HAGH: variants seen among roughly 807,000 people sequenced by gnomAD.
The protein encoded by HAGH is hydroxyacylglutathione hydrolase, mitochondrial.
In HAGH, 29 loss-of-function variants were observed where a neutral mutation model predicts 35.1. The ratio of observed to expected loss-of-function variants is 0.83; its 90% CI spans 0.62 to 1.13. The LOEUF is 1.13. Ranked by LOEUF, HAGH falls within the 50% of genes most tolerant of loss-of-function variation. The probability of loss-of-function intolerance (pLI) is 0.00; values close to 1 mark genes in which losing one functional copy is unlikely to be tolerated. For synonymous variants in HAGH, 225 were observed against 176.1 expected, an observed-to-expected ratio of 1.28 and a Z score of -2.20; for missense variants, 478 against 419.6, an observed-to-expected ratio of 1.14 and a Z score of -1.22.
intron 5 of HAGH, chr16:1,818,859 C>T (rs1375123893): frequency 4.9e-5 from 24 of 494,628 alleles, no homozygotes; most frequent in Non-Finnish European, 7.7e-5. Context: ...CCGTGGGACC[C>T]GCCCGGACCC....
chr16:1,820,685 A>G (rs911808308), intron 3 of HAGH, among the ~76,000 whole-genome samples: 1 of 152,036 alleles, frequency 6.6e-6, no homozygotes, highest in African/African-American at 2.4e-5. Context: ...GTCTCACATG[A>G]TATCACAGAC....
In HAGH at chr16:1,809,807, T is replaced by C. The variant is rs1421575029; in HGVS notation, c.774A>G (p.Thr258=). 5.6e-6 allele frequency: 9 copies of C among 1,613,656 alleles called. No individual in the cohort carries two copies. The highest frequency in any genetic ancestry group is 1.7e-5 in the Admixed American group (1 of 60,002). ...AKEKYSIGEP[T]VPSTLAEEFT... Reference sequence around the variant, plus strand: ...ACTCCTCTGCCAGGGTGGATGGCACTGTGGGCTCCCCGATGCTGTACTTCT... The same window carrying C: ...ACTCCTCTGCCAGGGTGGATGGCACCGTGGGCTCCCCGATGCTGTACTTCT... The change falls in exon 8 of 9, where the codon ACA becomes ACG. Residue 258 remains threonine, a synonymous_variant. Transcript: ENST00000397356.
chr16:1,818,254 G>A (rs1223060726), intron 5 of HAGH, among the ~76,000 whole-genome samples: 5 of 152,114 alleles, frequency 3.3e-5, no homozygotes, highest in Non-Finnish European at 5.9e-5. Flanking sequence ...CTAAATCTGA[G>A]GTCCCCAACT....
At chr16:1,823,365 TCACGC>T in intron 1 of HAGH, among the ~76,000 whole-genome samples, 1 of 151,430 alleles carries the variant, frequency 6.6e-6, no homozygotes, top group South Asian at 2.1e-4. Context: ...CCTCCCAGGT[TCACGC>T]CGTTCTCCTG....
chr16:1,823,398 G>C (rs1412836583), intron 1 of HAGH, among the ~76,000 whole-genome samples: 2 of 151,778 alleles, frequency 1.3e-5, no homozygotes, highest in African/African-American at 2.4e-5. Context: ...CTCCTGAGTA[G>C]CTGGGACTAC....
At chr16:1,817,700 C>T (rs1281252779) in intron 5 of HAGH, among the ~76,000 whole-genome samples, 2 of 152,254 alleles carry the variant, frequency 1.3e-5, no homozygotes, top group Non-Finnish European at 2.9e-5. Flanking sequence ...CCACCTCTCA[C>T]CCATGGCGGA....
Position 1,823,744 on chromosome 16 carries a change from T to TA in HAGH, c.77-708dup, listed in dbSNP as rs71145496. ...GGTGACAAGACAATAACCTGTTCCT[T>TA]AAAAAAAAAAAAAAAAAAAAAAAAA... is the stretch of plus-strand genomic sequence containing the variant. On this transcript the variant is annotated intron_variant, in intron 1 of 8. Transcript: ENST00000397356. 2.8e-3 allele frequency among the ~76,000 whole-genome samples: 158 copies of TA among 55,912 alleles called. 2 individuals are homozygous for TA. The highest frequency in any genetic ancestry group is 3.2e-3 in the Non-Finnish European group (104 of 32,554). The allele number at this position is 55,912 out of a possible 152,430, so 36.7% of individuals were successfully genotyped here.
intron 1 of HAGH, among the ~76,000 whole-genome samples, chr16:1,823,744 TAAAAAAAAAAAAAAA>T (rs71145496): frequency 3.6e-5 from 2 of 55,916 alleles, no homozygotes; most frequent in Non-Finnish European, 6.1e-5. Flanking sequence ...ACCTGTTCCT[TAAAAAAAAAAAAAAA>T]AAAAAAAAAA....
rs1278587490 is a variant in HAGH at position 1,809,121 on chromosome 16, G to A, written c.*162C>T. ...GGGGAAGTTATGGGAATAAATACTT[G>A]TTAAACTTCTCTTATAAATATGCAT... On this transcript the variant is annotated 3_prime_UTR_variant, in exon 9 of 9. Transcript: ENST00000397356. 1.1e-5 allele frequency: 7 copies of A among 614,952 alleles called. No homozygotes were observed. Among genetic ancestry groups the A allele is most frequent in the Non-Finnish European group, 2.9e-6 (1 of 342,196 alleles). 38.1% of individuals were successfully genotyped at this position (614,952 alleles called of 1,614,324 possible).
chr16:1,817,060 G>T, intron 6 of HAGH, 66 bp from the exon 7 acceptor site: 1 of 1,360,168 alleles, frequency 7.4e-7, no homozygotes, highest in Non-Finnish European at 1.1e-6. Flanking sequence ...TCAGGGACGG[G>T]ACCTGGATGC....
In HAGH at chr16:1,809,307, G is replaced by C; in HGVS notation, c.903C>G (p.Asp301Glu). 6.2e-7 allele frequency: 1 copy of C among 1,613,354 alleles called. No individual in the cohort carries two copies. Among genetic ancestry groups the C allele is most frequent in the Non-Finnish European group, 8.5e-7 (1 of 1,179,472 alleles). Reference sequence around the variant, plus strand: ...CTCAGTCCCGGGGCATCTTGAACTGGTCCTTCTCCCTGCGCACGGCCCGCA... The same window carrying C: ...CTCAGTCCCGGGGCATCTTGAACTGCTCCTTCTCCCTGCGCACGGCCCGCA... ...TTMRAVRREK[D>E]QFKMPRD The change falls in exon 9 of 9, where the codon GAC becomes GAG. Residue 301 changes from aspartate (D) to glutamate (E), a missense_variant. Coordinates refer to ENST00000397356, the MANE Select transcript of HAGH (RefSeq NM_005326.6).
chr16:1,820,995 C>T (rs973967967), intron 3 of HAGH, among the ~76,000 whole-genome samples: 2 of 152,122 alleles, frequency 1.3e-5, no homozygotes, highest in Admixed American at 6.5e-5. Context: ...GCGGCGAGGC[C>T]GGGAGAGGCA....
chr16:1,808,118 T>C lies in HAGH; in HGVS notation c.*1165A>G, dbSNP rs1897480871. 6.6e-6 allele frequency: 1 copy of C among 152,084 alleles called. No individual in the cohort carries two copies. Among genetic ancestry groups the C allele is most frequent in the African/African-American group, 2.4e-5 (1 of 41,410 alleles). The allele number at this position is 152,084 out of a possible 1,614,324, so 9.4% of individuals were successfully genotyped here. A position where few individuals can be genotyped will look rare whatever the true frequency, so the allele number is the denominator to read the frequency against. Reference sequence around the variant, plus strand: ...AATACCACTCAACTGCATGATTAATTAATTTCTTTGAGACAGGGTCTCCCT... The same window carrying C: ...AATACCACTCAACTGCATGATTAATCAATTTCTTTGAGACAGGGTCTCCCT... On this transcript the variant is annotated 3_prime_UTR_variant, in exon 9 of 9. Coordinates refer to ENST00000397356, the MANE Select transcript of HAGH (RefSeq NM_005326.6).
At chr16:1,816,090 G>A (rs1415888527) in intron 7 of HAGH, among the ~76,000 whole-genome samples, 2 of 148,184 alleles carry the variant, frequency 1.3e-5, no homozygotes, top group African/African-American at 4.9e-5. Context: ...ACAAGCGTGA[G>A]CCACCACGCC....
upstream of HAGH, chr16:1,826,892 G>A: frequency 1.4e-6 from 1 of 740,294 alleles, no homozygotes. Flanking sequence ...CAGCCAATCA[G>A]CGTCCACCTC....
At chr16:1,809,600 C>T (rs913802918) in intron 8 of HAGH, among the ~76,000 whole-genome samples, 154 bp downstream of exon 8, 1 of 152,246 alleles carries the variant, frequency 6.6e-6, no homozygotes, top group East Asian at 1.9e-4. Flanking sequence ...GCCGGACCCC[C>T]CTCAAGAAGA....
At chr16:1,820,559 A>G (rs1191510095) in intron 3 of HAGH, among the ~76,000 whole-genome samples, 1 of 152,128 alleles carries the variant, frequency 6.6e-6, no homozygotes, top group Non-Finnish European at 1.5e-5. Flanking sequence ...TCTGCAGGGG[A>G]GGCCAGCCTG....
At chr16:1,816,602 C>T (rs1052682380) in intron 7 of HAGH, among the ~76,000 whole-genome samples, 5 of 152,222 alleles carry the variant, frequency 3.3e-5, no homozygotes, top group Non-Finnish European at 5.9e-5. Flanking sequence ...GCCTGGAGAG[C>T]CAGCAGAGCC....
chr16:1,822,035 C>A, intron 3 of HAGH: 1 of 431,634 alleles, frequency 2.3e-6, no homozygotes, highest in Non-Finnish European at 4.2e-6. Context: ...CACAAACCCG[C>A]ATGGCCCAGG....
Sources: gnomAD v4.1 joint callset for allele counts (sites outside exome capture counted in the v4.1 genomes callset) on GRCh38, gnomAD v4.1.1 for gene constraint, MANE v1.5 for transcripts, NCBI Gene and HGNC (gene_info 2026-07-23, HGNC 2026-07-21) for gene names.